Variants in CDH7 observed in about 807,000 individuals in gnomAD.
The protein encoded by CDH7 is cadherin-7.
A neutral mutation model predicts 71.8 loss-of-function variants in CDH7; 25 were observed. The observed-to-expected ratio is 0.35, with a 90% CI of 0.25 to 0.49. The LOEUF (loss-of-function observed/expected upper bound fraction) is 0.49. Ranked by LOEUF, CDH7 falls within the 20% of genes least tolerant of loss-of-function variation. The probability of loss-of-function intolerance (pLI) is 0.99; values close to 1 mark genes in which losing one functional copy is unlikely to be tolerated. For missense variants in CDH7, 862 were observed against 974.6 expected (o/e 0.88, Z 1.54); for synonymous variants, 381 against 363.8 (o/e 1.05, Z -0.54).
rs554736868 is a variant in CDH7, at chr18:65,783,618, G to A, written c.210+20566G>A. Reference sequence around the variant, plus strand: ...AAAATTCAGTGGTCCAAAAATTTCCGTAGAATTTGAGAGGACGTTGGTGGG... The same window carrying A: ...AAAATTCAGTGGTCCAAAAATTTCCATAGAATTTGAGAGGACGTTGGTGGG... On this transcript the variant is annotated intron_variant, in intron 2 of 11. Transcript: ENST00000397968. Among the ~76,000 whole-genome samples the A allele has an allele frequency of 9.2e-5, 14 of 152,190 alleles. 1 individual carries two copies. Among genetic ancestry groups the A allele is most frequent in the South Asian group, 8.3e-4 (4 of 4,826 alleles).
intron 6 of CDH7, among the ~76,000 whole-genome samples, chr18:65,840,026 C>A (rs1912670814): frequency 1.3e-5 from 2 of 152,158 alleles, no homozygotes; most frequent in African/African-American, 4.8e-5. Context: ...GGTTACCTAT[C>A]AAAAATTATT....
rs767609974 is a variant in CDH7, at chr18:65,862,895, C to T, written c.1842C>T (p.Leu614=). Residue 614 remains leucine (L), a synonymous_variant, in exon 11 of 12, where the codon CTC becomes CTT. Coordinates refer to ENST00000397968, the MANE Select transcript of CDH7 (RefSeq NM_004361.5). ...GTACAGGAGCCCTGATAGCCATACT[C>T]GCCTGTGTCTTGACATTATTGGGTA... ...GLSTGALIAI[L]ACVLTLLVLI... is the part of the protein sequence containing the mutation. 1.7e-5 allele frequency: 27 copies of T among 1,614,080 alleles called. No individual in the cohort carries two copies. Among genetic ancestry groups the T allele is most frequent in the East Asian group, 8.9e-5 (4 of 44,898 alleles).
At chr18:65,872,628 A>T (rs1488071498) in intron 11 of CDH7, among the ~76,000 whole-genome samples, 2 of 152,056 alleles carry the variant, frequency 1.3e-5, no homozygotes, top group African/African-American at 2.4e-5. Context: ...GGGAGCAATG[A>T]CTCATGACTG....
At position 65,767,458 on chromosome 18, in the gene CDH7, G is replaced by A. The variant is rs371384300; in HGVS notation, c.210+4406G>A. On this transcript the variant is annotated intron_variant, in intron 2 of 11. Transcript: ENST00000397968. ...AAGGTCAATAATGAATGCCAAGTAT[G>A]AGCGACAAGAAAGAGCATAGTCATC... 3.3e-5 allele frequency among the ~76,000 whole-genome samples: 5 copies of A among 152,224 alleles called. No individual in the cohort carries two copies. In the East Asian group the frequency reaches 9.7e-4, roughly 29 times the overall value.
intron 2 of CDH7, among the ~76,000 whole-genome samples, chr18:65,776,130 A>G (rs989272880): frequency 5.9e-5 from 9 of 152,128 alleles, no homozygotes; most frequent in Non-Finnish European, 1.0e-4. Context: ...CAATTATTGA[A>G]GAGTGATACA....
At chr18:65,795,335 G>C (rs886260706) in intron 2 of CDH7, among the ~76,000 whole-genome samples, 3 of 152,080 alleles carry the variant, frequency 2.0e-5, no homozygotes, top group African/African-American at 7.2e-5. Context: ...TTAGTTAATG[G>C]AAGCAACATT....
chr18:65,755,996 CA>C (rs1178806025), intron 1 of CDH7, among the ~76,000 whole-genome samples: 1 of 151,918 alleles, frequency 6.6e-6, no homozygotes, highest in Non-Finnish European at 1.5e-5. Flanking sequence ...AAAACAAAAA[CA>C]AAAAACAAAA....
chr18:65,790,805 G>T (rs944392658), intron 2 of CDH7, among the ~76,000 whole-genome samples: 2 of 152,146 alleles, frequency 1.3e-5, no homozygotes, highest in African/African-American at 4.8e-5. Context: ...GGAAGCAGAG[G>T]TTGCAGTAAG....
intron 11 of CDH7, among the ~76,000 whole-genome samples, chr18:65,867,040 T>TC (rs1388691678): frequency 2.1e-4 from 31 of 150,992 alleles, no homozygotes; most frequent in African/African-American, 7.0e-4. Context: ...TCTAAATTTT[T>TC]TTTTTTTTTT....
chr18:65,763,631 G>C (rs1916270968), intron 2 of CDH7, among the ~76,000 whole-genome samples: 1 of 150,594 alleles, frequency 6.6e-6, no homozygotes, highest in Admixed American at 6.6e-5. Flanking sequence ...GTGTGTGTGT[G>C]TTAGGTTGCT....
chr18:65,874,890 A>T (rs1914030586), intron 11 of CDH7, among the ~76,000 whole-genome samples: 1 of 152,122 alleles, frequency 6.6e-6, no homozygotes, highest in African/African-American at 2.4e-5. Flanking sequence ...AGCACAGAAC[A>T]TCCAGAGTAG....
At chr18:65,782,028 CCCTTCCTTCCTTCCTTCCTTCCTT>C (rs200389546) in intron 2 of CDH7, among the ~76,000 whole-genome samples, 1 of 33,574 alleles carries the variant, frequency 3.0e-5, no homozygotes, top group African/African-American at 2.5e-4. Context: ...CTCTCTTTCT[CCCTTCCTTCCTTCCTTCCTTCCTT>C]CCTTCCTTCC....
intron 6 of CDH7, among the ~76,000 whole-genome samples, chr18:65,840,616 G>A (rs538549543): frequency 6.6e-6 from 1 of 152,080 alleles, no homozygotes; most frequent in African/African-American, 2.4e-5. Flanking sequence ...CATGAGATCT[G>A]ATGGTTTTAT....
Position 65,781,780 on chromosome 18 carries a change from T to TTTCTTTCTTTCTA in CDH7, c.210+18729_210+18730insTCTTTCTTTCTAT, listed in dbSNP as rs1568181302. 1.8e-3 allele frequency among the ~76,000 whole-genome samples: 104 copies of TTTCTTTCTTTCTA among 59,094 alleles called. 9 individuals carry two copies. Among genetic ancestry groups the TTTCTTTCTTTCTA allele is most frequent in the East Asian group, 4.7e-3 (10 of 2,126 alleles). The allele number at this position is 59,094 out of a possible 152,430, so 38.8% of individuals were successfully genotyped here. On this transcript the variant is annotated intron_variant, in intron 2 of 11. Coordinates refer to ENST00000397968, the MANE Select transcript of CDH7 (RefSeq NM_004361.5). ...TTTCTTTCTTTCTTTCCTTCCTTCC[T>TTTCTTTCTTTCTA]TCCTTCCTTCCTTCCTTCCTTCCTT...
intron 6 of CDH7, among the ~76,000 whole-genome samples, chr18:65,829,878 T>A (rs1912276511): frequency 6.6e-6 from 1 of 151,488 alleles, no homozygotes; most frequent in Non-Finnish European, 1.5e-5. Context: ...ATAAATATTC[T>A]GATTTTTTTC....
intron 11 of CDH7, among the ~76,000 whole-genome samples, chr18:65,874,990 C>T (rs977934101): frequency 3.0e-4 from 45 of 152,206 alleles, no homozygotes; most frequent in African/African-American, 8.7e-4. Context: ...CTGAGGCCCG[C>T]GGGCCACATG....
chr18:65,796,726 G>A (rs897870325), intron 2 of CDH7, among the ~76,000 whole-genome samples: 1 of 152,192 alleles, frequency 6.6e-6, no homozygotes, highest in African/African-American at 2.4e-5. Context: ...TGTCATGCAT[G>A]TTGGATAACA....
Position 65,845,535 on chromosome 18 carries a change from G to A in CDH7, c.1235+1470G>A, listed in dbSNP as rs1490933169. ...AAGTTATATTAATTGGGGCAAACAT[G>A]AGTTTGAGTTTTGTTATAGCATTCC... On this transcript the variant is annotated intron_variant, in intron 7 of 11. Coordinates refer to ENST00000397968, the MANE Select transcript of CDH7 (RefSeq NM_004361.5). Among the ~76,000 whole-genome samples, 6 of 152,194 alleles carry A rather than the reference G, an allele frequency of 3.9e-5. No individual in the cohort carries two copies. The East Asian group carries it at 7.7e-4, about 20-fold the overall frequency.
intron 2 of CDH7, among the ~76,000 whole-genome samples, chr18:65,794,301 T>A (rs1910826963): frequency 6.6e-6 from 1 of 152,156 alleles, no homozygotes; most frequent in Non-Finnish European, 1.5e-5. Flanking sequence ...TCGATGATTT[T>A]GTTCCAGAGA....
Sources: allele counts gnomAD v4.1 joint callset (sites outside exome capture counted in the v4.1 genomes callset), GRCh38; gene constraint gnomAD v4.1.1; transcripts MANE v1.5; gene names NCBI Gene and HGNC (gene_info 2026-07-23, HGNC 2026-07-21).